Variants in KCNMB2 observed in about 807,000 individuals in gnomAD.
KCNMB2 encodes potassium calcium-activated channel subfamily M regulatory beta subunit 2.
Under a neutral mutation model 24.5 loss-of-function variants are expected in KCNMB2, and 9 were observed. The observed-to-expected ratio is 0.37, with a 90% CI of 0.22 to 0.64. The LOEUF is 0.64. Ranked by LOEUF, KCNMB2 falls within the 30% of genes least tolerant of loss-of-function variation. The pLI is 0.63. For synonymous variants in KCNMB2, 109 were observed against 104.4 expected, an observed-to-expected ratio of 1.04 and a Z score of -0.27; for missense variants, 226 against 284.3, an observed-to-expected ratio of 0.79 and a Z score of 1.47.
chr3:178,792,260 T>G (rs1713351647), intron 1 of KCNMB2, among the ~76,000 whole-genome samples: 1 of 152,222 alleles, frequency 6.6e-6, no homozygotes, highest in African/African-American at 2.4e-5. Context: ...TGAGTTAAAA[T>G]GTCAAATTTG....
rs200395848 is a variant in KCNMB2 at position 178,818,409 on chromosome 3, C to T, written c.57-7179C>T. Among the ~76,000 whole-genome samples the T allele has an allele frequency of 1.3e-4, 20 of 152,106 alleles. No individual in the cohort carries two copies. The East Asian group carries it at 3.7e-3, about 28-fold the overall frequency. ...AGCCCAGCATGCACTAGCTGTTTTC[C>T]CTAACACTCTTCCACTCCCACTCTC... On this transcript the variant is annotated intron_variant, in intron 2 of 4. Coordinates refer to ENST00000452583, the MANE Select transcript of KCNMB2 (RefSeq NM_181361.3).
chr3:178,743,749 T>C (rs1723571040), intron 1 of KCNMB2, among the ~76,000 whole-genome samples: 1 of 152,218 alleles, frequency 6.6e-6, no homozygotes, highest in Admixed American at 6.5e-5. Flanking sequence ...TGACTTTTCA[T>C]TTACTTCTAT....
At chr3:178,757,224 A>C (rs1319344348) in intron 1 of KCNMB2, 1 of 147,274 alleles carries the variant, frequency 6.8e-6, no homozygotes, top group Admixed American at 6.9e-5. Flanking sequence ...TTACCAGTGA[A>C]AATTGTGGTA....
At chr3:178,802,116 T>C (rs1713796494) in intron 1 of KCNMB2, among the ~76,000 whole-genome samples, 1 of 152,180 alleles carries the variant, frequency 6.6e-6, no homozygotes, top group African/African-American at 2.4e-5. Flanking sequence ...ATTTGGCTTC[T>C]TCCCCAAAGG....
chr3:178,658,924 T>G (rs1323363881), intron 1 of KCNMB2, among the ~76,000 whole-genome samples: 1 of 152,170 alleles, frequency 6.6e-6, no homozygotes, highest in Non-Finnish European at 1.5e-5. Flanking sequence ...ATGACATACT[T>G]GAGAGACAGC....
intron 1 of KCNMB2, among the ~76,000 whole-genome samples, chr3:178,741,015 G>A (rs370025548): frequency 6.6e-6 from 1 of 152,170 alleles, no homozygotes; most frequent in Non-Finnish European, 1.5e-5. Flanking sequence ...GAGGAGAAAC[G>A]CATGAAAGCC....
At position 178,541,935 on chromosome 3, in the gene KCNMB2, G is replaced by C. The variant is rs1715631746; in HGVS notation, c.-68+5224G>C. 2.0e-5 allele frequency among the ~76,000 whole-genome samples: 3 copies of C among 152,024 alleles called. No homozygotes were observed. The South Asian group carries it at 6.2e-4, about 32-fold the overall frequency. On this transcript the variant is annotated intron_variant, in intron 1 of 4. Transcript: ENST00000452583. ...GACTCATTCTGATTACCTGCTACCT[G>C]CTCTGCTCCGACTCCAGCCAAAGCA...
intron 1 of KCNMB2, among the ~76,000 whole-genome samples, chr3:178,619,645 T>C (rs1718838464): frequency 6.6e-6 from 1 of 152,198 alleles, no homozygotes; most frequent in African/African-American, 2.4e-5. Flanking sequence ...TCCATGATTA[T>C]ATATGGAAAT....
chr3:178,569,608 T>A (rs1283778060), intron 1 of KCNMB2, among the ~76,000 whole-genome samples: 3 of 152,066 alleles, frequency 2.0e-5, no homozygotes, highest in Non-Finnish European at 2.9e-5. Flanking sequence ...TTAAACATTC[T>A]GAGTAGAAAA....
At chr3:178,677,612 C>T (rs2108590109) in intron 1 of KCNMB2, among the ~76,000 whole-genome samples, 1 of 152,284 alleles carries the variant, frequency 6.6e-6, no homozygotes, top group African/African-American at 2.4e-5. Flanking sequence ...CCTGGCCTGT[C>T]GTCTGTGCAC....
At chr3:178,731,670 G>T (rs987442774) in intron 1 of KCNMB2, among the ~76,000 whole-genome samples, 1 of 152,166 alleles carries the variant, frequency 6.6e-6, no homozygotes, top group African/African-American at 2.4e-5. Context: ...TTGGGAGGCC[G>T]AGGTGGGTGG....
intron 1 of KCNMB2, among the ~76,000 whole-genome samples, chr3:178,626,172 G>C (rs1719110512): frequency 6.6e-6 from 1 of 152,158 alleles, no homozygotes; most frequent in South Asian, 2.1e-4. Flanking sequence ...TGTAGTATAA[G>C]AGATCTTGCA....
At chr3:178,750,817 GAAT>G (rs149122412) in intron 1 of KCNMB2, among the ~76,000 whole-genome samples, 21,230 of 152,146 alleles carry the variant, frequency 0.14, 1,811 homozygotes, top group Non-Finnish European at 0.18. Context: ...CTAAAGAGAT[GAAT>G]AATAATTCCC....
At chr3:178,540,039 C>T (rs1265361223) in intron 1 of KCNMB2, among the ~76,000 whole-genome samples, 3 of 152,170 alleles carry the variant, frequency 2.0e-5, no homozygotes, top group Non-Finnish European at 2.9e-5. Context: ...ATAACATTTC[C>T]ACTTAAATGT....
intron 1 of KCNMB2, among the ~76,000 whole-genome samples, chr3:178,538,602 G>C (rs2108444373): frequency 6.6e-6 from 1 of 152,260 alleles, no homozygotes; most frequent in East Asian, 1.9e-4. Flanking sequence ...CTTGAAAGTT[G>C]TCAACAGGAG....
chr3:178,760,096 A>C (rs1211421418), intron 1 of KCNMB2, among the ~76,000 whole-genome samples: 1 of 42,456 alleles, frequency 2.4e-5, no homozygotes, highest in African/African-American at 1.4e-4. Flanking sequence ...ATATATCTAT[A>C]TATATATATA....
At chr3:178,781,437 C>CA (rs1436142473) in intron 1 of KCNMB2, among the ~76,000 whole-genome samples, 1 of 151,562 alleles carries the variant, frequency 6.6e-6, no homozygotes, top group Non-Finnish European at 1.5e-5. Context: ...ACTAAAAATA[C>CA]AAAAATCAGC....
At chr3:178,666,189 T>C (rs771960742) in intron 1 of KCNMB2, among the ~76,000 whole-genome samples, 2 of 152,146 alleles carry the variant, frequency 1.3e-5, no homozygotes, top group Non-Finnish European at 1.5e-5. Flanking sequence ...CATGGTTCAC[T>C]GAGAACAAGT....
At chr3:178,643,568 T>C (rs1485496971) in intron 1 of KCNMB2, among the ~76,000 whole-genome samples, 3 of 152,216 alleles carry the variant, frequency 2.0e-5, no homozygotes, top group Non-Finnish European at 4.4e-5. Flanking sequence ...TGCAACATAC[T>C]GTGAATCTAT....
Sources: gnomAD v4.1 joint callset for allele counts (sites outside exome capture counted in the v4.1 genomes callset) on GRCh38, gnomAD v4.1.1 for gene constraint, MANE v1.5 for transcripts, NCBI Gene and HGNC (gene_info 2026-07-23, HGNC 2026-07-21) for gene names.